Variants in BTNL8 observed in about 807,000 individuals in gnomAD.
BTNL8 encodes the protein butyrophilin like 8, also known as butyrophilin-like protein 8.
A neutral mutation model predicts 36.1 loss-of-function variants in BTNL8; 22 were observed. That is an observed-to-expected ratio of 0.61 (90% CI 0.44 to 0.87). The LOEUF is 0.87. BTNL8 is among the 40% of genes least tolerant of loss of function. The pLI, the probability that BTNL8 is intolerant of heterozygous loss-of-function variation, is 0.00. For missense variants in BTNL8, 526 were observed against 616.9 expected (o/e 0.85, Z 1.56); for synonymous variants, 203 against 235.6 (o/e 0.86, Z 1.27).
At chr5:180,919,616 T>G (rs145187118) in intron 3 of BTNL8, among the ~76,000 whole-genome samples, 17,681 of 152,134 alleles carry the variant, frequency 0.12, 3,120 homozygotes, top group African/African-American at 0.38. Context: ...CATAAATGTC[T>G]CTGTTTGGAG....
intron 1 of BTNL8, among the ~76,000 whole-genome samples, chr5:180,903,041 GT>G (rs1756903565): frequency 8.4e-6 from 1 of 118,736 alleles, no homozygotes; most frequent in Admixed American, 8.2e-5. Flanking sequence ...TATATACCCA[GT>G]AATGGGATGG....
At chr5:180,918,355 A>G (rs1757735357) in intron 3 of BTNL8, among the ~76,000 whole-genome samples, 1 of 152,234 alleles carries the variant, frequency 6.6e-6, no homozygotes, top group African/African-American at 2.4e-5. Flanking sequence ...GAATGTTTCA[A>G]CACACGCAAA....
At chr5:180,936,885 T>C (rs1036125309) in intron 3 of BTNL8, among the ~76,000 whole-genome samples, 3 of 152,124 alleles carry the variant, frequency 2.0e-5, no homozygotes, top group Non-Finnish European at 4.4e-5. Context: ...ACACCACACA[T>C]GTTCCCCAGG....
At chr5:180,899,472 C>A (rs527653623) in intron 1 of BTNL8, 113 bp downstream of exon 1, 19 of 1,210,026 alleles carry the variant, frequency 1.6e-5, no homozygotes, top group East Asian at 2.3e-5. Flanking sequence ...CCTTTGGCTT[C>A]TCCTAGCCTC....
At chr5:180,928,072 G>C (rs1758188268) in intron 3 of BTNL8, among the ~76,000 whole-genome samples, 2 of 152,122 alleles carry the variant, frequency 1.3e-5, no homozygotes, top group South Asian at 4.1e-4. Context: ...AAATGTTAAG[G>C]GCAGCCAGAG....
chr5:180,906,601 C>T (rs535292453), intron 1 of BTNL8, among the ~76,000 whole-genome samples: 1 of 120,470 alleles, frequency 8.3e-6, no homozygotes, highest in Non-Finnish European at 1.7e-5. Flanking sequence ...TTAGTTGATG[C>T]AGTTTCTTCC....
chr5:180,934,665 C>G (rs2121121), intron 3 of BTNL8, among the ~76,000 whole-genome samples: 28,794 of 152,146 alleles, frequency 0.19, 4,642 homozygotes, highest in African/African-American at 0.44. Flanking sequence ...ACTGTAGGCA[C>G]CTGTGTCTGG....
intron 2 of BTNL8, 73 bp from the exon 3 acceptor site, chr5:180,911,266 T>A: frequency 6.4e-7 from 1 of 1,574,562 alleles, no homozygotes; most frequent in Non-Finnish European, 8.6e-7. Context: ...GTGGACTGAA[T>A]GCACCTGACT....
intron 1 of BTNL8, among the ~76,000 whole-genome samples, chr5:180,907,096 T>G (rs1447149515): frequency 8.7e-6 from 1 of 114,614 alleles, no homozygotes; most frequent in Non-Finnish European, 1.7e-5. Flanking sequence ...GAAGTTCTCC[T>G]GGATAATATA....
chr5:180,946,766 C>G (rs1759272093), intron 3 of BTNL8, among the ~76,000 whole-genome samples: 2 of 152,062 alleles, frequency 1.3e-5, no homozygotes, highest in Non-Finnish European at 2.9e-5. Flanking sequence ...ATTTAAATGT[C>G]TCATCATAAA....
chr5:180,931,011 CT>C (rs1300657753), intron 3 of BTNL8, among the ~76,000 whole-genome samples: 1 of 152,142 alleles, frequency 6.6e-6, no homozygotes, highest in Non-Finnish European at 1.5e-5. Flanking sequence ...CAAGACAATC[CT>C]AAGCAAAAAG....
At chr5:180,920,226 T>C (rs1757802494) in intron 3 of BTNL8, among the ~76,000 whole-genome samples, 1 of 152,158 alleles carries the variant, frequency 6.6e-6, no homozygotes, top group South Asian at 2.1e-4. Context: ...TAAAACCATA[T>C]GGTACTGGCA....
chr5:180,947,889 T>C, intron 4 of BTNL8: 2 of 1,282,762 alleles, frequency 1.6e-6, no homozygotes, highest in Non-Finnish European at 2.1e-6. Flanking sequence ...AGAGCTTGGA[T>C]AATTTTCCAT....
chr5:180,922,028 C>G (rs1338483023), intron 3 of BTNL8, among the ~76,000 whole-genome samples: 1 of 151,910 alleles, frequency 6.6e-6, no homozygotes, highest in Non-Finnish European at 1.5e-5. Flanking sequence ...ATTTTTTTGG[C>G]TCAGTGTAAT....
intron 3 of BTNL8, among the ~76,000 whole-genome samples, chr5:180,933,755 C>T (rs1018112107): frequency 2.6e-5 from 4 of 151,922 alleles, no homozygotes; most frequent in African/African-American, 9.7e-5. Context: ...GAATTACATC[C>T]AAAGAACAGA....
At chr5:180,920,350 T>C (rs1410198252) in intron 3 of BTNL8, among the ~76,000 whole-genome samples, 1 of 152,108 alleles carries the variant, frequency 6.6e-6, no homozygotes, top group Non-Finnish European at 1.5e-5. Flanking sequence ...GGATAAATGA[T>C]AGTTTCTTTA....
Position 180,947,583 on chromosome 5 carries a change from TTTGGCATTG to T in BTNL8, c.750_758del (p.Ile251_Gly253del). The T allele has an allele frequency of 6.2e-7, 1 of 1,614,200 alleles. No homozygotes were observed. The highest frequency in any genetic ancestry group is 1.1e-5 in the South Asian group (1 of 91,084). On this transcript the variant is annotated inframe_deletion, in exon 4 of 8. Coordinates refer to ENST00000340184, the MANE Select transcript of BTNL8 (RefSeq NM_001040462.3). The stretch of plus-strand genomic sequence containing the variant: ...GGGAATACTCTGCTGTGGCCTATTT[TTTGGCATTG>T]TTGGACTGAAGATTTTCTTCTCCAA...
At chr5:180,928,302 C>G (rs894575219) in intron 3 of BTNL8, among the ~76,000 whole-genome samples, 2 of 152,138 alleles carry the variant, frequency 1.3e-5, no homozygotes, top group Non-Finnish European at 2.9e-5. Flanking sequence ...TTTGTCACCA[C>G]CAGACCTGCC....
intron 3 of BTNL8, among the ~76,000 whole-genome samples, chr5:180,920,565 C>T (rs1436659821): frequency 6.6e-6 from 1 of 151,990 alleles, no homozygotes; most frequent in East Asian, 1.9e-4. Flanking sequence ...ACCAAAAGCA[C>T]AGGCAATGAA....
Sources: gnomAD v4.1 joint callset for allele counts (sites outside exome capture counted in the v4.1 genomes callset) on GRCh38, gnomAD v4.1.1 for gene constraint, MANE v1.5 for transcripts, NCBI Gene and HGNC (gene_info 2026-07-23, HGNC 2026-07-21) for gene names.